Variants in DOCK5 observed in about 807,000 individuals in gnomAD.
DOCK5 encodes dedicator of cytokinesis protein 5.
Under a neutral mutation model 251.8 loss-of-function variants are expected in DOCK5, and 142 were observed. The observed-to-expected ratio is 0.56, with a 90% CI of 0.49 to 0.65. DOCK5 has a LOEUF of 0.65. DOCK5 is among the 30% of genes least tolerant of loss of function. The probability of loss-of-function intolerance (pLI) is 0.00; values close to 1 mark genes in which losing one functional copy is unlikely to be tolerated. For missense variants in DOCK5, 2,111 were observed against 2,312.3 expected, an observed-to-expected ratio of 0.91 and a Z score of 1.79; for synonymous variants, 842 against 835.5, an observed-to-expected ratio of 1.01 and a Z score of -0.13.
At position 25,304,318 on chromosome 8, in the gene DOCK5, CCT is replaced by C; in HGVS notation, c.1041_1042del (p.Phe348SerfsTer29). 9 of 1,608,046 alleles carry C rather than the reference CCT, an allele frequency of 5.6e-6. No homozygotes were observed. The highest frequency in any genetic ancestry group is 7.6e-6 in the Non-Finnish European group (9 of 1,177,286). ...GATGAAGAAAAGCAGCATTTTATTC[CCT>C]TTCAGCAGTAAGTACTTTGGCATGT... On this transcript the variant is annotated frameshift_variant, in exon 11 of 52. Coordinates refer to ENST00000276440, the MANE Select transcript of DOCK5 (RefSeq NM_024940.8). LOFTEE classifies it high-confidence loss of function.
At chr8:25,338,582 G>C (rs1204109245) in intron 22 of DOCK5, among the ~76,000 whole-genome samples, 1 of 152,172 alleles carries the variant, frequency 6.6e-6, no homozygotes, top group Non-Finnish European at 1.5e-5. Flanking sequence ...GAAGTGGGCA[G>C]TGTTTTCCCC....
intron 1 of DOCK5, among the ~76,000 whole-genome samples, chr8:25,201,547 C>T (rs1403310661): frequency 6.6e-6 from 1 of 152,206 alleles, no homozygotes; most frequent in African/African-American, 2.4e-5. Context: ...TTTAGTCCTG[C>T]AGGCTGTGGA....
At chr8:25,344,653 T>C (rs1800325247) in intron 25 of DOCK5, among the ~76,000 whole-genome samples, 1 of 152,244 alleles carries the variant, frequency 6.6e-6, no homozygotes, top group Non-Finnish European at 1.5e-5. Context: ...ATTGCAAATG[T>C]TCCTAAGACA....
At chr8:25,270,481 T>A (rs1471659741) in intron 3 of DOCK5, among the ~76,000 whole-genome samples, 1 of 152,212 alleles carries the variant, frequency 6.6e-6, no homozygotes, top group Non-Finnish European at 1.5e-5. Flanking sequence ...ACAATTTTGA[T>A]GTTCTGAATT....
intron 1 of DOCK5, among the ~76,000 whole-genome samples, chr8:25,215,930 A>AAT (rs78382084): frequency 0.022 from 2,528 of 117,076 alleles, 63 homozygotes; most frequent in African/African-American, 0.088. Flanking sequence ...CCTGGAAATA[A>AAT]ATACACACAC....
intron 7 of DOCK5, among the ~76,000 whole-genome samples, chr8:25,298,257 C>G (rs1328163732): frequency 6.6e-6 from 1 of 152,022 alleles, no homozygotes; most frequent in Non-Finnish European, 1.5e-5. Flanking sequence ...CAATGGCAAA[C>G]CACACCTGAA....
intron 1 of DOCK5, among the ~76,000 whole-genome samples, chr8:25,238,811 T>C (rs1802865974): frequency 6.6e-6 from 1 of 152,234 alleles, no homozygotes; most frequent in Non-Finnish European, 1.5e-5. Context: ...TTTTAAAATA[T>C]ATTCTTTTCT....
chr8:25,292,730 C>A (rs745727818), intron 6 of DOCK5, among the ~76,000 whole-genome samples: 1 of 152,060 alleles, frequency 6.6e-6, no homozygotes, highest in East Asian at 1.9e-4. Context: ...AGAGTGAGAC[C>A]CTGTCTCACA....
At chr8:25,232,194 T>G (rs1037404795) in intron 1 of DOCK5, among the ~76,000 whole-genome samples, 3 of 151,920 alleles carry the variant, frequency 2.0e-5, no homozygotes, top group Non-Finnish European at 2.9e-5. Context: ...AGTAATATTT[T>G]TCTTCTTCTT....
intron 5 of DOCK5, among the ~76,000 whole-genome samples, chr8:25,285,019 A>T (rs1305201252): frequency 6.6e-6 from 1 of 152,226 alleles, no homozygotes; most frequent in Non-Finnish European, 1.5e-5. Context: ...ATTGTGGTCA[A>T]TCGGGCTGTT....
chr8:25,395,538 C>T lies in DOCK5; in HGVS notation c.4528-5C>T. On this transcript the variant is annotated splice_polypyrimidine_tract_variant and splice_region_variant and intron_variant, in intron 44 of 51. Transcript: ENST00000276440. ...CCTCTTTCTCCCATGTGCTCTGTCA[C>T]TCAGGAAGAGATCAGTCCTCTGGAG... The T allele has an allele frequency of 1.2e-6, 2 of 1,607,134 alleles. No homozygotes were observed. Among genetic ancestry groups the T allele is most frequent in the Non-Finnish European group, 1.7e-6 (2 of 1,178,374 alleles).
intron 44 of DOCK5, among the ~76,000 whole-genome samples, chr8:25,394,239 A>G (rs1801307661): frequency 6.6e-6 from 1 of 152,216 alleles, no homozygotes; most frequent in Non-Finnish European, 1.5e-5. Flanking sequence ...AGAAAAAAAA[A>G]TTAGACATTA....
At chr8:25,290,679 C>T (rs1302539641) in intron 5 of DOCK5, among the ~76,000 whole-genome samples, 2 of 152,094 alleles carry the variant, frequency 1.3e-5, no homozygotes, top group Non-Finnish European at 2.9e-5. Flanking sequence ...TCATTTAGTA[C>T]ATTTGCTAGA....
chr8:25,400,808 C>T, intron 46 of DOCK5, 121 bp from the exon 47 acceptor site: 2 of 1,089,414 alleles, frequency 1.8e-6, no homozygotes, highest in Non-Finnish European at 2.7e-6. Context: ...AGTGGCCTTC[C>T]CATTGGCCAG....
intron 27 of DOCK5, among the ~76,000 whole-genome samples, chr8:25,355,171 C>G (rs961072040): frequency 6.6e-6 from 1 of 152,096 alleles, no homozygotes; most frequent in African/African-American, 2.4e-5. Context: ...GAAATTGAGG[C>G]TGCAGTGAGC....
At position 25,334,697 on chromosome 8, in the gene DOCK5, G is replaced by C. The variant is rs1387563811; in HGVS notation, c.2192+501G>C. On this transcript the variant is annotated intron_variant, in intron 21 of 51. Coordinates refer to ENST00000276440, the MANE Select transcript of DOCK5 (RefSeq NM_024940.8). ...ATTGCACTCCAGCCTAAGTGACAGA[G>C]CAAGACTTAGTATCTAAAAAAAAAA... Among the ~76,000 whole-genome samples the C allele has an allele frequency of 2.7e-5, 4 of 149,694 alleles. No homozygotes were observed. In the East Asian group the frequency reaches 7.9e-4, roughly 30 times the overall value.
chr8:25,332,019 A>G (rs1266656349), intron 18 of DOCK5, among the ~76,000 whole-genome samples: 2 of 152,212 alleles, frequency 1.3e-5, no homozygotes, highest in East Asian at 1.9e-4. Context: ...TCAGTCAGAT[A>G]TTCTAAGTTC....
intron 1 of DOCK5, among the ~76,000 whole-genome samples, chr8:25,197,266 A>C (rs1323674390): frequency 6.6e-6 from 1 of 152,200 alleles, no homozygotes; most frequent in Non-Finnish European, 1.5e-5. Context: ...GATGTGGATG[A>C]GCACGTTAAT....
chr8:25,342,387 G>T lies in DOCK5; in HGVS notation c.2511-14G>T. 1 of 1,568,370 alleles carries T rather than the reference G, an allele frequency of 6.4e-7. No individual in the cohort carries two copies. The highest frequency in any genetic ancestry group is 1.2e-5 in the South Asian group (1 of 85,742). On this transcript the variant is annotated splice_polypyrimidine_tract_variant and intron_variant, in intron 24 of 51. Transcript: ENST00000276440. The stretch of plus-strand genomic sequence containing the variant: ...AGAACGAAGACACTACTAACCCTGA[G>T]GTTTCTCTCCCAGCGTGCTCTTCTG...
Sources: allele counts gnomAD v4.1 joint callset (sites outside exome capture counted in the v4.1 genomes callset), GRCh38; gene constraint gnomAD v4.1.1; transcripts MANE v1.5; gene names NCBI Gene and HGNC (gene_info 2026-07-23, HGNC 2026-07-21).